The following HDAC11 variants were observed in gnomAD, a reference collection of about 807,000 sequenced individuals.
HDAC11 encodes the protein histone deacetylase 11.
Under a neutral mutation model 41.1 loss-of-function variants are expected in HDAC11, and 23 were observed. The ratio of observed to expected loss-of-function variants is 0.56; its 90% CI spans 0.40 to 0.79. The LOEUF (loss-of-function observed/expected upper bound fraction) is 0.79, where lower values mean the gene tolerates loss of function less well. Ranked by LOEUF, HDAC11 falls within the 30% of genes least tolerant of loss-of-function variation. The probability of loss-of-function intolerance (pLI) is 0.00; values close to 1 mark genes in which losing one functional copy is unlikely to be tolerated. For synonymous variants in HDAC11, 187 were observed against 186.6 expected (o/e 1.00, Z -0.02); for missense variants, 402 against 477.3 (o/e 0.84, Z 1.47).
At chr3:13,485,449 C>T (rs1004869541) in intron 3 of HDAC11, among the ~76,000 whole-genome samples, 2 of 152,134 alleles carry the variant, frequency 1.3e-5, no homozygotes, top group Non-Finnish European at 2.9e-5. Flanking sequence ...ACAGGAGGCG[C>T]TCAGCTGGGG....
chr3:13,500,192 A>G (rs918041763), intron 5 of HDAC11, among the ~76,000 whole-genome samples: 1 of 151,946 alleles, frequency 6.6e-6, no homozygotes, highest in Non-Finnish European at 1.5e-5. Flanking sequence ...AGGCCATCCC[A>G]GGGGCTGCAG....
chr3:13,496,583 C>T (rs1289063002), intron 3 of HDAC11, 153 bp from the exon 4 acceptor site: 3 of 584,708 alleles, frequency 5.1e-6, no homozygotes, highest in Non-Finnish European at 9.3e-6. Context: ...GTGGCTCTGG[C>T]TCTCATTTCT....
chr3:13,496,816 G>A lies in HDAC11; in HGVS notation c.333G>A (p.Leu111=). The change falls in exon 4 of 10, where the codon CTG becomes CTA. Residue 111 remains leucine, a synonymous_variant. Transcript: ENST00000295757. ...LPNFLVQRKV[L]RPLRTQTGGT... ...ACTTCCTTGTGCAGAGGAAGGTGCT[G>A]AGGCCCCTTCGGACCCAGACAGGAG... 6.2e-7 allele frequency: 1 copy of A among 1,603,082 alleles called. No homozygotes were observed. Among genetic ancestry groups the A allele is most frequent in the South Asian group, 1.1e-5 (1 of 89,590 alleles).
At chr3:13,487,426 T>G (rs2125001921) in intron 3 of HDAC11, among the ~76,000 whole-genome samples, 1 of 152,294 alleles carries the variant, frequency 6.6e-6, no homozygotes, top group African/African-American at 2.4e-5. Flanking sequence ...TCTGCACTGG[T>G]GTGGCCTTTG....
chr3:13,496,202 G>A (rs1238677211), intron 3 of HDAC11, among the ~76,000 whole-genome samples: 1 of 152,208 alleles, frequency 6.6e-6, no homozygotes, highest in Admixed American at 6.5e-5. Flanking sequence ...GGAGATGAGG[G>A]CAGTGCATCC....
At chr3:13,491,452 A>G (rs1559374986) in intron 3 of HDAC11, among the ~76,000 whole-genome samples, 3 of 152,190 alleles carry the variant, frequency 2.0e-5, no homozygotes, top group African/African-American at 7.2e-5. Flanking sequence ...TTGTGCATCA[A>G]CTGAGAGATC....
intron 6 of HDAC11, among the ~76,000 whole-genome samples, chr3:13,501,354 A>G (rs1310041619): frequency 6.6e-6 from 1 of 152,136 alleles, no homozygotes; most frequent in Non-Finnish European, 1.5e-5. Flanking sequence ...ACCTGTTCCT[A>G]TGTGTGCCTG....
chr3:13,500,597 A>G, intron 5 of HDAC11, 116 bp from the exon 6 acceptor site: 1 of 837,726 alleles, frequency 1.2e-6, no homozygotes, highest in Non-Finnish European at 1.9e-6. Context: ...AGTCCGAGGC[A>G]CAGGTTCCTG....
chr3:13,504,883 C>A lies in HDAC11; in HGVS notation c.*200C>A, dbSNP rs1411100916. The stretch of plus-strand genomic sequence containing the variant: ...GGCTTGAGGCCTCTATGGGTGGGGG[C>A]AGAAGGCAGAGCCTGTGTCCCAGGG... On this transcript the variant is annotated 3_prime_UTR_variant, in exon 10 of 10. Coordinates refer to ENST00000295757, the MANE Select transcript of HDAC11 (RefSeq NM_024827.4). The A allele has an allele frequency of 1.6e-6, 1 of 607,510 alleles. No individual in the cohort carries two copies. The highest frequency in any genetic ancestry group is 2.9e-5 in the Admixed American group (1 of 34,708). 37.6% of individuals were successfully genotyped at this position (607,510 alleles called of 1,614,324 possible).
At chr3:13,482,168 C>T (rs1701352591) in intron 2 of HDAC11, among the ~76,000 whole-genome samples, 1 of 152,186 alleles carries the variant, frequency 6.6e-6, no homozygotes, top group Admixed American at 6.5e-5. Flanking sequence ...GGCTCATCCC[C>T]TTGAGCAAAA....
At position 13,487,855 on chromosome 3, in the gene HDAC11, G is replaced by C. The variant is rs1307475626; in HGVS notation, c.252+4291G>C. On this transcript the variant is annotated intron_variant, in intron 3 of 9. Coordinates refer to ENST00000295757, the MANE Select transcript of HDAC11 (RefSeq NM_024827.4). ...AATAAATGTAATAATTAAGTAATGAGATAATATGTTAGATGGTGCTGAGTG... is the reference window on the plus strand; with the variant it reads ...AATAAATGTAATAATTAAGTAATGACATAATATGTTAGATGGTGCTGAGTG... 5.9e-5 allele frequency among the ~76,000 whole-genome samples: 9 copies of C among 152,174 alleles called. No individual in the cohort carries two copies. The East Asian group carries it at 1.5e-3, about 26-fold the overall frequency.
At chr3:13,484,466 G>A (rs533134673) in intron 3 of HDAC11, among the ~76,000 whole-genome samples, 4 of 152,162 alleles carry the variant, frequency 2.6e-5, no homozygotes, top group Non-Finnish European at 5.9e-5. Flanking sequence ...CTGTGGGCCC[G>A]GCATGGCCAG....
intron 3 of HDAC11, among the ~76,000 whole-genome samples, chr3:13,496,230 C>T (rs190804172): frequency 6.6e-6 from 1 of 152,174 alleles, no homozygotes; most frequent in Admixed American, 6.5e-5. Context: ...CAGGAAGGTC[C>T]GATTCCCAAT....
At position 13,505,061 on chromosome 3, in the gene HDAC11, C is replaced by T. The variant is rs529872571; in HGVS notation, c.*378C>T. 4.1e-4 allele frequency: 123 copies of T among 302,960 alleles called. No individual in the cohort carries two copies. The highest frequency in any genetic ancestry group is 2.2e-3 in the Middle Eastern group (2 of 898). 18.8% of individuals were successfully genotyped at this position (302,960 alleles called of 1,614,324 possible). On this transcript the variant is annotated 3_prime_UTR_variant, in exon 10 of 10. Transcript: ENST00000295757. The stretch of plus-strand genomic sequence containing the variant: ...GCAGACCCAGGTCGGAGTGAGGAAG[C>T]TTCCACCTCCATCCTGACTAGGCCT...
intron 3 of HDAC11, among the ~76,000 whole-genome samples, 158 bp downstream of exon 3, chr3:13,483,722 C>T (rs1311627485): frequency 6.6e-6 from 1 of 151,980 alleles, no homozygotes; most frequent in East Asian, 1.9e-4. Flanking sequence ...TCTGTGGTCC[C>T]CAAGAGAAGG....
intron 3 of HDAC11, among the ~76,000 whole-genome samples, chr3:13,493,748 G>A (rs766392285): frequency 3.3e-5 from 5 of 152,190 alleles, no homozygotes; most frequent in Admixed American, 6.5e-5. Context: ...CGCCAACGTT[G>A]GCACAGCAAA....
rs1252970230 is a variant in HDAC11 at position 13,483,525 on chromosome 3, G to A, written c.213G>A (p.Leu71=). The stretch of plus-strand genomic sequence containing the variant: ...CGCGGGAGGCCTCGGAGGAGGACCT[G>A]CTGGTGGTGCACACGAGGCGCTATC... ...VEAREASEED[L]LVVHTRRYLN... is the part of the protein sequence containing the mutation. Residue 71 remains leucine (L), a synonymous_variant, in exon 3 of 10, where the codon CTG becomes CTA. Transcript: ENST00000295757. 1.9e-6 allele frequency: 3 copies of A among 1,614,082 alleles called. No individual in the cohort carries two copies. Among genetic ancestry groups the A allele is most frequent in the Admixed American group, 1.7e-5 (1 of 60,022 alleles).
At chr3:13,491,532 G>A (rs1009166253) in intron 3 of HDAC11, among the ~76,000 whole-genome samples, 3 of 152,100 alleles carry the variant, frequency 2.0e-5, no homozygotes, top group Non-Finnish European at 2.9e-5. Context: ...CAAGCAGTGG[G>A]CGCCCTAGAG....
rs746854250 is a variant in HDAC11 at position 13,501,973 on chromosome 3, C to A, written c.552+40C>A. 6 of 1,557,390 alleles carry A rather than the reference C, an allele frequency of 3.9e-6. No individual in the cohort carries two copies. The Admixed American group carries it at 1.0e-4, about 26-fold the overall frequency. On this transcript the variant is annotated intron_variant, in intron 7 of 9. Coordinates refer to ENST00000295757, the MANE Select transcript of HDAC11 (RefSeq NM_024827.4). ...GGGGCTGGACTCTTAGGGGACCTGC[C>A]ACCCCCAGTTCCAGAATCTTCCCGG...
Sources: allele counts gnomAD v4.1 joint callset (sites outside exome capture counted in the v4.1 genomes callset), GRCh38; gene constraint gnomAD v4.1.1; transcripts MANE v1.5; gene names NCBI Gene and HGNC (gene_info 2026-07-23, HGNC 2026-07-21).